The following MYOF variants were observed in gnomAD, a reference collection of about 807,000 sequenced individuals.
MYOF encodes the protein myoferlin.
In MYOF, 244 loss-of-function variants were observed where a neutral mutation model predicts 284.2. That is an observed-to-expected ratio of 0.86 (90% confidence interval 0.77 to 0.95). The LOEUF (loss-of-function observed/expected upper bound fraction) is 0.95. Among genes scored for constraint, MYOF ranks in the 40% least tolerant of loss-of-function variants. MYOF has a pLI of 0.00. For synonymous variants in MYOF, 904 were observed against 919.7 expected, an observed-to-expected ratio of 0.98 and a Z score of 0.31; for missense variants, 2,496 against 2,560.6, an observed-to-expected ratio of 0.97 and a Z score of 0.54.
At chr10:93,309,114 C>G (rs953853762) in intron 53 of MYOF, among the ~76,000 whole-genome samples, 1 of 152,180 alleles carries the variant, frequency 6.6e-6, no homozygotes, top group Non-Finnish European at 1.5e-5. Context: ...TCTGCCTGGA[C>G]TATCCCTTCT....
At chr10:93,441,787 A>G (rs1283628790) in intron 3 of MYOF, among the ~76,000 whole-genome samples, 1 of 151,298 alleles carries the variant, frequency 6.6e-6, no homozygotes, top group Non-Finnish European at 1.5e-5. Flanking sequence ...CTGGTCTCGA[A>G]CTCCTGACCT....
chr10:93,338,972 G>A (rs1843745041), intron 39 of MYOF, among the ~76,000 whole-genome samples: 1 of 149,796 alleles, frequency 6.7e-6, no homozygotes, highest in African/African-American at 2.4e-5. Flanking sequence ...CTGCAGTAGA[G>A]CCTCTTGGGG....
Position 93,381,361 on chromosome 10 carries a change from G to C in MYOF, c.1734C>G (p.Ala578=), listed in dbSNP as rs370147445. The change falls in exon 20 of 54, where the codon GCC becomes GCG. Residue 578 remains alanine, a synonymous_variant. Transcript: ENST00000359263. ...GCAACATGGTGGCTGAATGAAACACGGCAGACAGGCTGTACTTCCGCCTTC... is the reference window on the plus strand; with the variant it reads ...GCAACATGGTGGCTGAATGAAACACCGCAGACAGGCTGTACTTCCGCCTTC... The part of the protein sequence containing the change: ...YQRRRKYSLS[A]VFHSATMLQD... The C allele has an allele frequency of 1.2e-6, 2 of 1,614,076 alleles. No individual in the cohort carries two copies. The highest frequency in any genetic ancestry group is 2.2e-5 in the South Asian group (2 of 91,080).
chr10:93,476,689 C>T (rs1005501250), intron 1 of MYOF, among the ~76,000 whole-genome samples: 7 of 152,102 alleles, frequency 4.6e-5, no homozygotes, highest in African/African-American at 1.7e-4. Context: ...TAAGCCATTA[C>T]AGCCCCATTT....
In MYOF at chr10:93,306,635, A is replaced by G. The variant is rs371914560; in HGVS notation, c.*328T>C. ...AGAGATTTTTGAATTCTATTTAGCA[A>G]TTTCCAAAAGCTGAAGTCTAGAACC... On this transcript the variant is annotated 3_prime_UTR_variant, in exon 54 of 54. Coordinates refer to ENST00000359263, the MANE Select transcript of MYOF (RefSeq NM_013451.4). The G allele has an allele frequency of 7.2e-6, 2 of 277,374 alleles. No homozygotes were observed. The highest frequency in any genetic ancestry group is 1.7e-4 in the East Asian group (2 of 11,516). 17.2% of individuals were successfully genotyped at this position (277,374 alleles called of 1,614,324 possible). A position where few individuals can be genotyped will look rare whatever the true frequency, so the allele number is the denominator to read the frequency against.
chr10:93,477,972 A>G (rs1000749063), intron 1 of MYOF, among the ~76,000 whole-genome samples: 1 of 152,218 alleles, frequency 6.6e-6, no homozygotes. Flanking sequence ...AGAGCAAAAG[A>G]TCAAGAAGGA....
intron 28 of MYOF, 64 bp downstream of exon 28, chr10:93,361,388 T>C: frequency 6.5e-7 from 1 of 1,529,964 alleles, no homozygotes; most frequent in African/African-American, 1.4e-5. Flanking sequence ...CCAAGGAAAC[T>C]TTATCCTGGT....
At chr10:93,400,830 C>T (rs909824085) in intron 12 of MYOF, among the ~76,000 whole-genome samples, 1 of 149,268 alleles carries the variant, frequency 6.7e-6, no homozygotes, top group Non-Finnish European at 1.5e-5. Flanking sequence ...GTCATTGGGA[C>T]ATTACTACCC....
chr10:93,478,860 G>GAAAGAAAGAAAGAAAGAAAT (rs1421937106), intron 1 of MYOF, among the ~76,000 whole-genome samples: 1 of 145,946 alleles, frequency 6.9e-6, no homozygotes, highest in African/African-American at 2.5e-5. Flanking sequence ...AAGAAAGAAA[G>GAAAGAAAGAAAGAAAGAAAT]GGTTTGAACA....
At chr10:93,308,331 T>G in intron 53 of MYOF, among the ~76,000 whole-genome samples, 1 of 151,464 alleles carries the variant, frequency 6.6e-6, no homozygotes, top group South Asian at 2.1e-4. Flanking sequence ...ACACCTATAA[T>G]CCTAGCACGT....
intron 37 of MYOF, among the ~76,000 whole-genome samples, chr10:93,346,425 C>T (rs1235763982): frequency 6.6e-6 from 1 of 152,276 alleles, no homozygotes; most frequent in Non-Finnish European, 1.5e-5. Context: ...AGCCCTCCCA[C>T]GGTGTCTAAT....
At chr10:93,467,143 C>A (rs2057027517) in intron 1 of MYOF, among the ~76,000 whole-genome samples, 1 of 152,044 alleles carries the variant, frequency 6.6e-6, no homozygotes, top group Non-Finnish European at 1.5e-5. Flanking sequence ...AGCCTTGTTT[C>A]CAAACCTGTG....
chr10:93,398,700 A>G (rs1359278357), intron 13 of MYOF, among the ~76,000 whole-genome samples: 1 of 152,180 alleles, frequency 6.6e-6, no homozygotes, highest in Non-Finnish European at 1.5e-5. Flanking sequence ...TTTAGAAAAA[A>G]GCACCAGTCA....
Position 93,347,823 on chromosome 10 carries a change from C to G in MYOF, c.4084-41G>C, listed in dbSNP as rs371321885. On this transcript the variant is annotated intron_variant, in intron 36 of 53. Transcript: ENST00000359263. ...GTAGGTTTCATTTCTCAAGACCAGA[C>G]GAGGGCAGCTTTGAGAAAAATTCCC... is the stretch of plus-strand genomic sequence containing the variant. 6.3e-6 allele frequency: 10 copies of G among 1,581,798 alleles called. No individual in the cohort carries two copies. The African/African-American group carries it at 9.5e-5, about 15-fold the overall frequency.
chr10:93,358,796 C>T (rs938528544), intron 29 of MYOF, among the ~76,000 whole-genome samples: 11 of 151,960 alleles, frequency 7.2e-5, no homozygotes, highest in Admixed American at 2.0e-4. Flanking sequence ...CTGGGGCCGG[C>T]GGGTGGAGGG....
chr10:93,369,527 G>A, intron 25 of MYOF, 118 bp downstream of exon 25: 2 of 1,406,684 alleles, frequency 1.4e-6, no homozygotes, highest in Non-Finnish European at 1.9e-6. Flanking sequence ...GGGATTTTAG[G>A]GGATGGTAAG....
chr10:93,382,287 G>A (rs1302473651), intron 19 of MYOF, among the ~76,000 whole-genome samples: 1 of 151,490 alleles, frequency 6.6e-6, no homozygotes, highest in Non-Finnish European at 1.5e-5. Context: ...CACCTAGGTT[G>A]GAGTGCAATG....
chr10:93,388,510 C>CGG (rs1369932720), intron 18 of MYOF, among the ~76,000 whole-genome samples: 1 of 152,208 alleles, frequency 6.6e-6, no homozygotes, highest in Non-Finnish European at 1.5e-5. Flanking sequence ...GAAGGGTCCC[C>CGG]ACCTCCACAG....
At chr10:93,322,350 T>C (rs1304730150) in intron 48 of MYOF, among the ~76,000 whole-genome samples, 1 of 152,222 alleles carries the variant, frequency 6.6e-6, no homozygotes, top group African/African-American at 2.4e-5. Context: ...CTGGATCACC[T>C]GAATATCCCT....
Sources: gnomAD v4.1 joint callset for allele counts (sites outside exome capture counted in the v4.1 genomes callset) on GRCh38, gnomAD v4.1.1 for gene constraint, MANE v1.5 for transcripts, NCBI Gene and HGNC (gene_info 2026-07-23, HGNC 2026-07-21) for gene names.